The following MAGI1 variants were observed in gnomAD, a reference collection of about 807,000 sequenced individuals.
MAGI1 encodes membrane-associated guanylate kinase, WW and PDZ domain-containing protein 1.
MAGI1 carries 58 observed loss-of-function variants against 139.9 expected under a neutral mutation model. The ratio of observed to expected loss-of-function variants is 0.41; its 90% CI spans 0.34 to 0.52. The LOEUF (loss-of-function observed/expected upper bound fraction) is 0.52. Ranked by LOEUF, MAGI1 falls within the 20% of genes least tolerant of loss-of-function variation. The probability of loss-of-function intolerance (pLI) is 0.12; values close to 1 mark genes in which losing one functional copy is unlikely to be tolerated. For missense variants in MAGI1, 1,874 were observed against 1,901.6 expected (o/e 0.99, Z 0.27); for synonymous variants, 812 against 737.9 (o/e 1.10, Z -1.63).
chr3:65,962,848 G>A (rs1392856450), intron 1 of MAGI1, among the ~76,000 whole-genome samples: 27 of 119,670 alleles, frequency 2.3e-4, no homozygotes, highest in Admixed American at 5.1e-4. Context: ...AAAAAAAAAA[G>A]AAGCAGAAGA....
chr3:65,636,214 C>T (rs2084606744), intron 1 of MAGI1, among the ~76,000 whole-genome samples: 1 of 152,134 alleles, frequency 6.6e-6, no homozygotes, highest in African/African-American at 2.4e-5. Context: ...ATGTTGCCAA[C>T]CCACTAAGTT....
intron 1 of MAGI1, among the ~76,000 whole-genome samples, chr3:65,737,511 G>A (rs2034871144): frequency 6.6e-6 from 1 of 152,168 alleles, no homozygotes; most frequent in African/African-American, 2.4e-5. Flanking sequence ...AAATACTGGG[G>A]ATACAACAGG....
At chr3:65,447,060 A>T (rs1948725103) in intron 7 of MAGI1, among the ~76,000 whole-genome samples, 1 of 152,198 alleles carries the variant, frequency 6.6e-6, no homozygotes, top group South Asian at 2.1e-4. Context: ...GGCAATCTCA[A>T]AAATGCCAGG....
chr3:65,694,961 A>G (rs575015480), intron 1 of MAGI1, among the ~76,000 whole-genome samples: 2 of 152,312 alleles, frequency 1.3e-5, no homozygotes, highest in East Asian at 1.9e-4. Flanking sequence ...ATTCAGGTAC[A>G]AAGTGTGAAA....
chr3:65,587,486 T>C lies in MAGI1; in HGVS notation c.430+34486A>G, dbSNP rs565451679. On this transcript the variant is annotated intron_variant, in intron 2 of 22. Transcript: ENST00000402939. ...TTTTATTATTACTTTTTTCTTTTTT[T>C]TTTTTTTTTTTTTTTGAGACAGGGT... Among the ~76,000 whole-genome samples the C allele has an allele frequency of 1.0e-3, 145 of 143,340 alleles. 1 individual carries two copies. Among genetic ancestry groups the C allele is most frequent in the East Asian group, 5.3e-3 (27 of 5,052 alleles). 94.0% of individuals were successfully genotyped at this position (143,340 alleles called of 152,430 possible).
At chr3:65,811,955 T>A (rs62244036) in intron 1 of MAGI1, among the ~76,000 whole-genome samples, 78,816 of 149,032 alleles carry the variant, frequency 0.53, 20,984 homozygotes, top group East Asian at 0.73. Flanking sequence ...TGTGTGTGTG[T>A]GTGTGAGAGA....
chr3:65,748,952 A>C (rs2035918223), intron 1 of MAGI1, among the ~76,000 whole-genome samples: 1 of 152,152 alleles, frequency 6.6e-6, no homozygotes, highest in African/African-American at 2.4e-5. Flanking sequence ...CAGGAGAGTA[A>C]TAGGGGTGGC....
At chr3:65,851,543 G>A (rs1279816905) in intron 1 of MAGI1, among the ~76,000 whole-genome samples, 4 of 152,152 alleles carry the variant, frequency 2.6e-5, no homozygotes, top group Non-Finnish European at 5.9e-5. Flanking sequence ...GAGGTCAGGA[G>A]TTTCAGACCA....
At chr3:65,465,453 T>A (rs1302143819) in intron 5 of MAGI1, among the ~76,000 whole-genome samples, 4 of 152,068 alleles carry the variant, frequency 2.6e-5, no homozygotes, top group Non-Finnish European at 5.9e-5. Flanking sequence ...TAGTTTTCTT[T>A]CGTCTAAGAA....
intron 2 of MAGI1, among the ~76,000 whole-genome samples, chr3:65,508,917 G>A (rs999658808): frequency 1.3e-5 from 2 of 152,222 alleles, no homozygotes; most frequent in Admixed American, 6.5e-5. Context: ...CAAAGAGAGG[G>A]CAGAGGCAAT....
intron 2 of MAGI1, among the ~76,000 whole-genome samples, chr3:65,603,071 G>A (rs151275539): frequency 3.3e-5 from 5 of 152,032 alleles, no homozygotes; most frequent in Admixed American, 6.6e-5. Context: ...AGCAATGACT[G>A]TAACTAAAAT....
intron 1 of MAGI1, among the ~76,000 whole-genome samples, chr3:65,988,018 G>A (rs1322481474): frequency 6.6e-6 from 1 of 152,184 alleles, no homozygotes; most frequent in East Asian, 1.9e-4. Context: ...ATCTGAAAAC[G>A]GGTTGAAGAT....
intron 4 of MAGI1, among the ~76,000 whole-genome samples, chr3:65,475,832 T>C (rs1950861968): frequency 6.6e-6 from 1 of 152,074 alleles, no homozygotes; most frequent in Non-Finnish European, 1.5e-5. Flanking sequence ...CTTGATCTTT[T>C]GTCTGCACAG....
chr3:65,626,227 C>CT (rs1559732899), intron 1 of MAGI1, among the ~76,000 whole-genome samples: 1 of 152,148 alleles, frequency 6.6e-6, no homozygotes, highest in Non-Finnish European at 1.5e-5. Flanking sequence ...GATACAGTAA[C>CT]TTTTTATCAC....
chr3:65,936,483 C>T (rs2063058141), intron 1 of MAGI1, among the ~76,000 whole-genome samples: 1 of 151,550 alleles, frequency 6.6e-6, no homozygotes, highest in Non-Finnish European at 1.5e-5. Flanking sequence ...ACTAAAAATA[C>T]AAAAATTAGC....
rs188559709 is a variant in MAGI1 at position 65,768,426 on chromosome 3, A to G, written c.314-146338T>C. Among the ~76,000 whole-genome samples, 269 of 152,326 alleles carry G rather than the reference A, an allele frequency of 1.8e-3. 3 individuals carry two copies. Among genetic ancestry groups the G allele is most frequent in the Non-Finnish European group, 3.0e-3 (201 of 68,040 alleles). ...CAGAGCAAGATTCAATCTCAAAAAA[A>G]AAAAGAAATTACTTAAGGATACTGG... is the stretch of plus-strand genomic sequence containing the variant. On this transcript the variant is annotated intron_variant, in intron 1 of 22. Coordinates refer to ENST00000402939, the MANE Select transcript of MAGI1 (RefSeq NM_001033057.2).
rs563060651 is a variant in MAGI1 at position 65,634,179 on chromosome 3, G to A, written c.314-12091C>T. On this transcript the variant is annotated intron_variant, in intron 1 of 22. Coordinates refer to ENST00000402939, the MANE Select transcript of MAGI1 (RefSeq NM_001033057.2). ...AACAGAGGAGACGGGACTCAAATCC[G>A]GGGGAGTATGACTGTCTGTGTTCTT... 2.4e-3 allele frequency among the ~76,000 whole-genome samples: 361 copies of A among 152,280 alleles called. 1 individual carries two copies. The highest frequency in any genetic ancestry group is 3.5e-3 in the Non-Finnish European group (241 of 68,022).
At position 65,622,004 on chromosome 3, in the gene MAGI1, A is replaced by G. The variant is rs769445617; in HGVS notation, c.398T>C (p.Ile133Thr). The G allele has an allele frequency of 2.5e-6, 4 of 1,613,714 alleles. No homozygotes were observed. The South Asian group carries it at 4.4e-5, about 18-fold the overall frequency. The part of the protein sequence containing the change: ...GSPDHELQQT[I>T]RDNLYRHAVP... ...AGCATGGCGGTAAAGGTTATCCCTT[A>G]TGGTCTGCTGGAGCTCATGATCAGG... The change falls in exon 2 of 23, where the codon ATA becomes ACA. Residue 133 changes from isoleucine to threonine, a missense_variant. Coordinates refer to ENST00000402939, the MANE Select transcript of MAGI1 (RefSeq NM_001033057.2).
intron 1 of MAGI1, among the ~76,000 whole-genome samples, chr3:66,019,759 T>C (rs1439304192): frequency 2.0e-5 from 3 of 152,200 alleles, no homozygotes; most frequent in African/African-American, 4.8e-5. Flanking sequence ...ACCTCATCCA[T>C]ACTCAATTGC....
Sources: gnomAD v4.1 joint callset for allele counts (sites outside exome capture counted in the v4.1 genomes callset) on GRCh38, gnomAD v4.1.1 for gene constraint, MANE v1.5 for transcripts, NCBI Gene and HGNC (gene_info 2026-07-23, HGNC 2026-07-21) for gene names.